GALNT13: variants seen among roughly 807,000 people sequenced by gnomAD.
GALNT13 encodes UDP-GalNAc:polypeptide N-acetylgalactosaminyltransferase 13.
A neutral mutation model predicts 64.2 loss-of-function variants in GALNT13; 28 were observed. The ratio of observed to expected loss-of-function variants is 0.44; its 90% CI spans 0.32 to 0.60. The LOEUF (loss-of-function observed/expected upper bound fraction) is 0.60. GALNT13 is among the 20% of genes least tolerant of loss of function. The pLI is 0.05. For synonymous variants in GALNT13, 214 were observed against 224.6 expected, an observed-to-expected ratio of 0.95 and a Z score of 0.42; for missense variants, 577 against 669.8, an observed-to-expected ratio of 0.86 and a Z score of 1.53.
In GALNT13 at chr2:154,452,472, G is replaced by T. The variant is rs1213499982; in HGVS notation, c.*1921G>T. 9 of 151,996 alleles carry T rather than the reference G, an allele frequency of 5.9e-5. No individual in the cohort carries two copies. The highest frequency in any genetic ancestry group is 5.9e-4 in the Admixed American group (9 of 15,228). The allele number at this position is 151,996 out of a possible 1,614,324, so 9.4% of individuals were successfully genotyped here. On this transcript the variant is annotated 3_prime_UTR_variant, in exon 13 of 13. Transcript: ENST00000392825. ...CAGCATTATTACTTAAGTTGAAAAA[G>T]CTTCAACTCTCAAGGACTCATGTAT... is the stretch of plus-strand genomic sequence containing the variant.
chr2:153,124,946 C>A, the GALNT13 span, among the ~76,000 whole-genome samples: 24,380 of 152,076 alleles, frequency 0.16, 2,080 homozygotes, highest in Middle Eastern at 0.22. Context: ...TCTGTCCAAC[C>A]CCTGTACTTC....
chr2:153,247,909 T>G, the GALNT13 span, among the ~76,000 whole-genome samples: 1 of 152,070 alleles, frequency 6.6e-6, no homozygotes, highest in East Asian at 1.9e-4. Flanking sequence ...AAATACAAAC[T>G]ACCATCAGAA....
the GALNT13 span, among the ~76,000 whole-genome samples, chr2:153,595,076 T>A: frequency 1.3e-5 from 2 of 151,978 alleles, no homozygotes; most frequent in Non-Finnish European, 2.9e-5. Context: ...AGACAAAATA[T>A]AAAATGTTAA....
intron 11 of GALNT13, among the ~76,000 whole-genome samples, chr2:154,434,240 T>A (rs753617343): frequency 3.3e-5 from 5 of 152,086 alleles, no homozygotes; most frequent in Non-Finnish European, 7.4e-5. Flanking sequence ...AAAAACTGAG[T>A]TATTACAGTG....
the GALNT13 span, among the ~76,000 whole-genome samples, chr2:153,737,004 A>G: frequency 6.6e-6 from 1 of 152,180 alleles, no homozygotes; most frequent in Non-Finnish European, 1.5e-5. Flanking sequence ...AGTCCTCTGC[A>G]AGCCCACTTG....
the GALNT13 span, among the ~76,000 whole-genome samples, chr2:153,673,998 T>C: frequency 6.6e-6 from 1 of 152,118 alleles, no homozygotes; most frequent in African/African-American, 2.4e-5. Flanking sequence ...TTACAAGGGA[T>C]GTGAAGGTCC....
intron 3 of GALNT13, among the ~76,000 whole-genome samples, chr2:154,078,595 G>GC (rs961684948): frequency 1.3e-5 from 2 of 151,482 alleles, no homozygotes; most frequent in African/African-American, 4.8e-5. Context: ...CAAGAGTTTT[G>GC]CCCACGCTTA....
chr2:154,102,370 C>T (rs1574501855), intron 3 of GALNT13, among the ~76,000 whole-genome samples: 2 of 152,262 alleles, frequency 1.3e-5, no homozygotes, highest in East Asian at 3.9e-4. Flanking sequence ...TAGCTAATTC[C>T]ACTGCCAGTA....
chr2:153,258,911 A>G, the GALNT13 span, among the ~76,000 whole-genome samples: 1 of 152,194 alleles, frequency 6.6e-6, no homozygotes, highest in African/African-American at 2.4e-5. Context: ...GAGGAGAAGA[A>G]TGTTTATTCT....
chr2:153,391,740 T>C, the GALNT13 span, among the ~76,000 whole-genome samples: 1 of 152,026 alleles, frequency 6.6e-6, no homozygotes, highest in Non-Finnish European at 1.5e-5. Flanking sequence ...GTGTTTTTTT[T>C]AGTGCAAAGT....
chr2:154,028,189 A>G (rs1470773678), intron 3 of GALNT13, among the ~76,000 whole-genome samples: 1 of 152,144 alleles, frequency 6.6e-6, no homozygotes, highest in Non-Finnish European at 1.5e-5. Context: ...TATTCTTTTT[A>G]TTTTTAAAGT....
chr2:153,354,734 G>A, the GALNT13 span, among the ~76,000 whole-genome samples: 1 of 152,132 alleles, frequency 6.6e-6, no homozygotes, highest in Non-Finnish European at 1.5e-5. Context: ...CTACTCCTGT[G>A]TGTAAACCCA....
intron 9 of GALNT13, among the ~76,000 whole-genome samples, chr2:154,334,653 G>A (rs757643113): frequency 1.3e-5 from 2 of 151,938 alleles, no homozygotes; most frequent in African/African-American, 2.4e-5. Context: ...ACAGTTTGTT[G>A]TTTCTAACGC....
chr2:154,057,926 A>T (rs901312308), intron 3 of GALNT13, among the ~76,000 whole-genome samples: 2 of 152,220 alleles, frequency 1.3e-5, no homozygotes, highest in Admixed American at 6.5e-5. Flanking sequence ...ATATTAATTT[A>T]TCCGTTTATT....
At chr2:153,903,384 A>G (rs1352838991) in intron 2 of GALNT13, among the ~76,000 whole-genome samples, 2 of 152,068 alleles carry the variant, frequency 1.3e-5, no homozygotes, top group Non-Finnish European at 2.9e-5. Flanking sequence ...CTATTAGGTT[A>G]ATGTAAAAGT....
At chr2:153,234,383 T>C in the GALNT13 span, among the ~76,000 whole-genome samples, 1 of 152,134 alleles carries the variant, frequency 6.6e-6, no homozygotes, top group Non-Finnish European at 1.5e-5. Context: ...TTAGGTCATA[T>C]GAAAGGCAAT....
chr2:154,318,840 C>A (rs1694465158), intron 9 of GALNT13, among the ~76,000 whole-genome samples: 1 of 152,070 alleles, frequency 6.6e-6, no homozygotes, highest in African/African-American at 2.4e-5. Flanking sequence ...GTTGTACATG[C>A]CTCTACATTT....
chr2:153,998,687 T>A (rs190018458), intron 3 of GALNT13, among the ~76,000 whole-genome samples: 1 of 152,190 alleles, frequency 6.6e-6, no homozygotes, highest in African/African-American at 2.4e-5. Flanking sequence ...CCATTGCTTT[T>A]GGTGTTTTAG....
chr2:153,630,787 ATATATATATATATATATATATTTTTT>A, the GALNT13 span, among the ~76,000 whole-genome samples: 6 of 10,694 alleles, frequency 5.6e-4, no homozygotes, highest in Admixed American at 3.1e-3. Context: ...ATATATATAT[ATATATATATATATATATATATTTTTT>A]TTTTTTTTTT....
Sources: gnomAD v4.1 joint callset for allele counts (sites outside exome capture counted in the v4.1 genomes callset) on GRCh38, gnomAD v4.1.1 for gene constraint, MANE v1.5 for transcripts, NCBI Gene and HGNC (gene_info 2026-07-23, HGNC 2026-07-21) for gene names.